Variants in ERO1A observed in about 807,000 individuals in gnomAD.
ERO1A encodes ERO1-like protein alpha.
ERO1A carries 49 observed loss-of-function variants against 76.9 expected under a neutral mutation model. The observed-to-expected ratio is 0.64, with a 90% CI of 0.51 to 0.81. The LOEUF (loss-of-function observed/expected upper bound fraction) is 0.81. ERO1A is among the 30% of genes least tolerant of loss of function. The pLI is 0.00. For synonymous variants in ERO1A, 174 were observed against 181.2 expected (o/e 0.96, Z 0.32); for missense variants, 448 against 542.1 (o/e 0.83, Z 1.72).
At chr14:52,688,542 C>A (rs780961903) in intron 1 of ERO1A, among the ~76,000 whole-genome samples, 1 of 152,170 alleles carries the variant, frequency 6.6e-6, no homozygotes, top group Non-Finnish European at 1.5e-5. Context: ...TATTACCCTA[C>A]TTCTACTTAA....
In ERO1A at chr14:52,669,995, C is replaced by T. The variant is rs116022104; in HGVS notation, c.508+1635G>A. Among the ~76,000 whole-genome samples the T allele has an allele frequency of 2.6e-3, 401 of 152,302 alleles. 2 individuals are homozygous for T. Among genetic ancestry groups the T allele is most frequent in the African/African-American group, 9.3e-3 (386 of 41,566 alleles). Reference sequence around the variant, plus strand: ...GGAGTACAGTGGTGCAATCAGAGCTCACTCCAGCCTCAACCCCCTGGATCA... The same window carrying T: ...GGAGTACAGTGGTGCAATCAGAGCTTACTCCAGCCTCAACCCCCTGGATCA... On this transcript the variant is annotated intron_variant, in intron 6 of 15. Coordinates refer to ENST00000395686, the MANE Select transcript of ERO1A (RefSeq NM_014584.3).
intron 1 of ERO1A, among the ~76,000 whole-genome samples, chr14:52,692,285 A>G (rs969846919): frequency 6.7e-6 from 1 of 148,262 alleles, no homozygotes; most frequent in Non-Finnish European, 1.5e-5. Context: ...ATTTAATCTG[A>G]TTACTTGTAG....
At position 52,686,174 on chromosome 14, in the gene ERO1A, T is replaced by G. The variant is rs150487142; in HGVS notation, c.115-2267A>C. ...TTGCAGGGAACCAAGATCACACCAC[T>G]GCACTGCACTCCAGCCTCGGCAACA... On this transcript the variant is annotated intron_variant, in intron 1 of 15. Transcript: ENST00000395686. 7.1e-3 allele frequency among the ~76,000 whole-genome samples: 1,086 copies of G among 152,264 alleles called. 8 individuals carry two copies. Among genetic ancestry groups the G allele is most frequent in the African/African-American group, 0.025 (1,037 of 41,542 alleles).
At chr14:52,679,403 A>T (rs927632692) in intron 3 of ERO1A, among the ~76,000 whole-genome samples, 2 of 148,416 alleles carry the variant, frequency 1.3e-5, no homozygotes, top group Admixed American at 6.8e-5. Context: ...TTAGATGGAT[A>T]AATACCTTCC....
rs140397367 is a variant in ERO1A at position 52,662,799 on chromosome 14, T to A, written c.676+1002A>T. Among the ~76,000 whole-genome samples, 193 of 152,346 alleles carry A rather than the reference T, an allele frequency of 1.3e-3. 1 individual carries two copies. The highest frequency in any genetic ancestry group is 4.5e-3 in the African/African-American group (188 of 41,572). ...TGAAGAGAGCAATTTTCACTGATCATGTATCTAACAAACTACTCCATCTAT... is the reference window on the plus strand; with the variant it reads ...TGAAGAGAGCAATTTTCACTGATCAAGTATCTAACAAACTACTCCATCTAT... On this transcript the variant is annotated intron_variant, in intron 8 of 15. Coordinates refer to ENST00000395686, the MANE Select transcript of ERO1A (RefSeq NM_014584.3).
chr14:52,666,579 C>A, intron 6 of ERO1A, 84 bp from the exon 7 acceptor site: 1 of 1,189,744 alleles, frequency 8.4e-7, no homozygotes, highest in South Asian at 1.5e-5. Flanking sequence ...TCCATTGATT[C>A]TAACGCACCA....
intron 2 of ERO1A, 45 bp downstream of exon 2, chr14:52,683,743 A>T: frequency 1.2e-6 from 1 of 830,284 alleles, no homozygotes; most frequent in Non-Finnish European, 1.8e-6. Context: ...AAATCTAATT[A>T]TCCATTTAAA....
At chr14:52,662,703 G>T (rs74051010) in intron 8 of ERO1A, among the ~76,000 whole-genome samples, 19,547 of 152,160 alleles carry the variant, frequency 0.13, 1,346 homozygotes, top group East Asian at 0.21. Flanking sequence ...GTGCCTAGCA[G>T]GTAGTAAATG....
At chr14:52,667,311 C>T (rs2040445671) in intron 6 of ERO1A, among the ~76,000 whole-genome samples, 1 of 152,196 alleles carries the variant, frequency 6.6e-6, no homozygotes, top group Admixed American at 6.5e-5. Context: ...CCTAAACATC[C>T]AACATCACAG....
chr14:52,694,170 A>G (rs2041461508), intron 1 of ERO1A, among the ~76,000 whole-genome samples: 1 of 152,204 alleles, frequency 6.6e-6, no homozygotes, highest in Admixed American at 6.5e-5. Flanking sequence ...TTATTTTTTA[A>G]ATGTTTAATC....
At chr14:52,665,095 A>G (rs2040365528) in intron 7 of ERO1A, among the ~76,000 whole-genome samples, 1 of 151,836 alleles carries the variant, frequency 6.6e-6, no homozygotes, top group Non-Finnish European at 1.5e-5. Flanking sequence ...TGAGGTCAGG[A>G]GTTCAAGAAC....
At chr14:52,686,730 C>T (rs2041187818) in intron 1 of ERO1A, among the ~76,000 whole-genome samples, 3 of 152,130 alleles carry the variant, frequency 2.0e-5, no homozygotes. Context: ...TCAAAATTAG[C>T]TGGGCATGGT....
At chr14:52,670,062 A>T (rs1185680456) in intron 6 of ERO1A, among the ~76,000 whole-genome samples, 1 of 152,100 alleles carries the variant, frequency 6.6e-6, no homozygotes, top group Non-Finnish European at 1.5e-5. Context: ...CTACTGGCAC[A>T]CACCACCAGG....
chr14:52,681,881 G>T (rs778003111), intron 3 of ERO1A, among the ~76,000 whole-genome samples: 8 of 152,062 alleles, frequency 5.3e-5, no homozygotes, highest in Non-Finnish European at 7.4e-5. Flanking sequence ...GTTCAGAAAA[G>T]ATGTAAGAGG....
chr14:52,670,321 A>G (rs1272904561), intron 6 of ERO1A, among the ~76,000 whole-genome samples: 1 of 152,246 alleles, frequency 6.6e-6, no homozygotes, highest in Non-Finnish European at 1.5e-5. Flanking sequence ...ACTTAGAAAA[A>G]GGAAATACTA....
chr14:52,695,322 C>A, intron 1 of ERO1A, 46 bp downstream of exon 1: 1 of 1,293,880 alleles, frequency 7.7e-7, no homozygotes, highest in Non-Finnish European at 1.0e-6. Flanking sequence ...CAGTGCACGC[C>A]GCGGAGGGCG....
At position 52,664,047 on chromosome 14, in the gene ERO1A, T is replaced by C. The variant is rs532288379; in HGVS notation, c.630-200A>G. Reference sequence around the variant, plus strand: ...GATAATAGTTCCTGATCTTCTCCCATTGTGGCGGCCAGCAGGCCATTTCCT... The same window carrying C: ...GATAATAGTTCCTGATCTTCTCCCACTGTGGCGGCCAGCAGGCCATTTCCT... On this transcript the variant is annotated intron_variant, in intron 7 of 15. Transcript: ENST00000395686. The C allele has an allele frequency of 3.6e-5, 14 of 391,300 alleles. No homozygotes were observed. In the South Asian group the frequency reaches 6.4e-4, roughly 18 times the overall value. The allele number at this position is 391,300 out of a possible 1,614,324, so 24.2% of individuals were successfully genotyped here. A position where few individuals can be genotyped will look rare whatever the true frequency, so the allele number is the denominator to read the frequency against.
In ERO1A at chr14:52,674,945, T is replaced by A. The variant is rs1035326846; in HGVS notation, c.358-3074A>T. On this transcript the variant is annotated intron_variant, in intron 4 of 15. Coordinates refer to ENST00000395686, the MANE Select transcript of ERO1A (RefSeq NM_014584.3). ...AATAATATACTTCTACTTACATAAA[T>A]CCATCTAGCTAATGACTTATTTAGG... Among the ~76,000 whole-genome samples the A allele has an allele frequency of 5.9e-5, 9 of 152,312 alleles. No homozygotes were observed. In the East Asian group the frequency reaches 1.2e-3, roughly 20 times the overall value.
chr14:52,645,847 TACACACAC>T (rs113770296), intron 15 of ERO1A, among the ~76,000 whole-genome samples: 1,746 of 144,404 alleles, frequency 0.012, 17 homozygotes, highest in Non-Finnish European at 0.017. Flanking sequence ...CTACTAAAAA[TACACACAC>T]ACACACACAC....
Sources: allele counts gnomAD v4.1 joint callset (sites outside exome capture counted in the v4.1 genomes callset), GRCh38; gene constraint gnomAD v4.1.1; transcripts MANE v1.5; gene names NCBI Gene and HGNC (gene_info 2026-07-23, HGNC 2026-07-21).